The following NPHP1 variants were observed in gnomAD, a reference collection of about 807,000 sequenced individuals.
The protein encoded by NPHP1 is nephrocystin-1.
NPHP1 carries 70 observed loss-of-function variants against 90.4 expected under a neutral mutation model. The ratio of observed to expected loss-of-function variants is 0.77; its 90% CI spans 0.64 to 0.95. The LOEUF (loss-of-function observed/expected upper bound fraction) is 0.95, where lower values mean the gene tolerates loss of function less well. Ranked by LOEUF, NPHP1 falls within the 40% of genes least tolerant of loss-of-function variation. The pLI is 0.00. For synonymous variants in NPHP1, 256 were observed against 271.7 expected (o/e 0.94, Z 0.57); for missense variants, 764 against 795.9 (o/e 0.96, Z 0.48).
intron 2 of NPHP1, among the ~76,000 whole-genome samples, chr2:110,195,002 G>A (rs923942232): frequency 6.6e-6 from 1 of 152,102 alleles, no homozygotes; most frequent in African/African-American, 2.4e-5. Context: ...TTGATGGGAC[G>A]TATCTCAAAA....
rs1348625597 is a variant in NPHP1 at position 110,148,428 on chromosome 2, T to C, written c.1159-402A>G. The stretch of plus-strand genomic sequence containing the variant: ...CAGGGGCCAATTAAACCTCTTTTCT[T>C]TATAAATTAACCAGCCTCATGCATT... On this transcript the variant is annotated intron_variant, in intron 12 of 19. Transcript: ENST00000445609. Among the ~76,000 whole-genome samples, 2 of 152,116 alleles carry C rather than the reference T, an allele frequency of 1.3e-5. 1 individual carries two copies. Among genetic ancestry groups the C allele is most frequent in the Non-Finnish European group, 2.9e-5 (2 of 68,012 alleles).
intron 12 of NPHP1, among the ~76,000 whole-genome samples, chr2:110,149,171 T>C (rs1574094829): frequency 6.6e-6 from 1 of 152,170 alleles, no homozygotes; most frequent in South Asian, 2.1e-4. Context: ...TGTATGTATT[T>C]TCCCCTACTA....
Position 110,169,950 on chromosome 2 carries a change from A to C in NPHP1, c.378T>G (p.Ser126Arg), listed in dbSNP as rs1683002730. 6.2e-7 allele frequency: 1 copy of C among 1,607,334 alleles called. No individual in the cohort carries two copies. Among genetic ancestry groups the C allele is most frequent in the Admixed American group, 1.7e-5 (1 of 59,936 alleles). The change falls in exon 5 of 20, where the codon AGT becomes AGG. Residue 126 changes from serine (S) to arginine (R), a missense_variant. Ser to Arg is a moderately radical substitution (Grantham distance 110). Transcript: ENST00000445609. ...EEEEESESED[S>R]EDSGGEEEDA... ...CTTCTTCCTCCCCACCACTGTCTTCACTATCTTCACTTTCACTTTCTTCCT... is the reference window on the plus strand; with the variant it reads ...CTTCTTCCTCCCCACCACTGTCTTCCCTATCTTCACTTTCACTTTCTTCCT...
Position 110,123,699 on chromosome 2 carries a change from T to C in NPHP1, c.*92A>G. The C allele has an allele frequency of 7.7e-7, 1 of 1,291,974 alleles. No homozygotes were observed. Among genetic ancestry groups the C allele is most frequent in the East Asian group, 2.3e-5 (1 of 43,018 alleles). 80.0% of individuals were successfully genotyped at this position (1,291,974 alleles called of 1,614,324 possible). A position where few individuals can be genotyped will look rare whatever the true frequency, so the allele number is the denominator to read the frequency against. On this transcript the variant is annotated 3_prime_UTR_variant, in exon 20 of 20. Transcript: ENST00000445609. ...AAAGAGTAAAACCTAAGTTGTAAAG[T>C]GACAGTGATTTTTGGTTCCATCATT...
At chr2:110,149,497 T>C (rs1458518022) in intron 12 of NPHP1, among the ~76,000 whole-genome samples, 1 of 152,134 alleles carries the variant, frequency 6.6e-6, no homozygotes. Flanking sequence ...CAGCACACAG[T>C]TGAGGTGGCT....
At chr2:110,129,032 G>T in intron 18 of NPHP1, 154 bp downstream of exon 18, 1 of 663,640 alleles carries the variant, frequency 1.5e-6, no homozygotes, top group East Asian at 2.8e-5. Context: ...TGCTAAGATG[G>T]GAAAGATGAG....
intron 1 of NPHP1, among the ~76,000 whole-genome samples, chr2:110,204,222 C>T (rs762003748): frequency 2.0e-5 from 3 of 152,276 alleles, no homozygotes; most frequent in Non-Finnish European, 4.4e-5. Context: ...TACACGGGAG[C>T]AGTGAATGTG....
At chr2:110,164,756 G>C (rs1240122563) in intron 7 of NPHP1, 26 bp from the exon 8 acceptor site, 3 of 1,580,598 alleles carry the variant, frequency 1.9e-6, no homozygotes, top group Non-Finnish European at 2.6e-6. Context: ...AGCAAAGTGA[G>C]TCAGGTCAGG....
At chr2:110,150,306 G>C (rs1308035009) in intron 11 of NPHP1, 50 bp from the exon 12 acceptor site, 1 of 1,549,384 alleles carries the variant, frequency 6.5e-7, no homozygotes, top group East Asian at 2.2e-5. Flanking sequence ...TCTTTGAAAT[G>C]TCACCATTTC....
chr2:110,131,605 C>A, intron 17 of NPHP1, 74 bp downstream of exon 17: 3 of 856,042 alleles, frequency 3.5e-6, no homozygotes, highest in Non-Finnish European at 6.0e-6. Flanking sequence ...ACAGAAGATA[C>A]AAGATGGTAT....
At position 110,178,442 on chromosome 2, in the gene NPHP1, T is replaced by A; in HGVS notation, c.310A>T (p.Ser104Cys). Residue 104 changes from serine to cysteine, a missense_variant, in exon 4 of 20, where the codon AGC (serine) becomes TGC (cysteine). Ser to Cys is a moderately radical substitution (Grantham distance 112). Transcript: ENST00000445609. ...GCATACTCAGTTATATTTTCTCTGC[T>A]TATTGTCACAGCAAGGCCCTGCAGT... is the stretch of plus-strand genomic sequence containing the variant. ...QQLQGLAVTI[S>C]RENITEVGAP... The A allele has an allele frequency of 6.2e-7, 1 of 1,613,972 alleles. No individual in the cohort carries two copies. The highest frequency in any genetic ancestry group is 8.5e-7 in the Non-Finnish European group (1 of 1,179,910).
At chr2:110,138,722 C>A (rs1211066427) in intron 16 of NPHP1, among the ~76,000 whole-genome samples, 1 of 152,108 alleles carries the variant, frequency 6.6e-6, no homozygotes, top group Non-Finnish European at 1.5e-5. Flanking sequence ...GTTTCAGCTG[C>A]ATGCCCAAAC....
chr2:110,194,426 C>G (rs903043668), intron 2 of NPHP1, among the ~76,000 whole-genome samples: 4 of 151,966 alleles, frequency 2.6e-5, no homozygotes, highest in African/African-American at 4.8e-5. Context: ...ATAAATTCCT[C>G]GACAAATACA....
chr2:110,152,183 A>G (rs1681520211), intron 11 of NPHP1, among the ~76,000 whole-genome samples: 1 of 152,122 alleles, frequency 6.6e-6, no homozygotes, highest in South Asian at 2.1e-4. Context: ...GGCTGGGTGC[A>G]GTGGCTCGTG....
chr2:110,143,788 G>GAC, intron 15 of NPHP1, 147 bp from the exon 16 acceptor site: 1 of 658,744 alleles, frequency 1.5e-6, no homozygotes, highest in Non-Finnish European at 2.7e-6. Flanking sequence ...TAAATGAGCT[G>GAC]AGAGACCTCC....
intron 19 of NPHP1, chr2:110,125,292 T>C (rs1434643805): frequency 1.3e-6 from 2 of 1,535,800 alleles, no homozygotes; most frequent in South Asian, 1.2e-5. Flanking sequence ...CCATTTTTTT[T>C]TCCCTTCTCT....
chr2:110,204,056 A>G (rs1259561116), intron 1 of NPHP1, among the ~76,000 whole-genome samples: 1 of 152,214 alleles, frequency 6.6e-6, no homozygotes, highest in Non-Finnish European at 1.5e-5. Flanking sequence ...TTATATAAGT[A>G]ACAATGTGAT....
At chr2:110,178,241 C>T (rs987551573) in intron 4 of NPHP1, 182 bp downstream of exon 4, 91 of 629,320 alleles carry the variant, frequency 1.4e-4, no homozygotes, top group Middle Eastern at 1.3e-3. Context: ...ATGACTTACA[C>T]TTCTTTCCAT....
intron 11 of NPHP1, among the ~76,000 whole-genome samples, chr2:110,152,836 CACA>C (rs1281161283): frequency 6.6e-6 from 1 of 151,526 alleles, no homozygotes; most frequent in Non-Finnish European, 1.5e-5. Context: ...TAATAAAAAC[CACA>C]ACACTACTAG....
Sources: allele counts gnomAD v4.1 joint callset (sites outside exome capture counted in the v4.1 genomes callset), GRCh38; gene constraint gnomAD v4.1.1; transcripts MANE v1.5; gene names NCBI Gene and HGNC (gene_info 2026-07-23, HGNC 2026-07-21).